Variants in CECR2 observed in about 807,000 individuals in gnomAD.
CECR2 encodes the protein chromatin remodeling regulator CECR2.
A neutral mutation model predicts 154.5 loss-of-function variants in CECR2; 30 were observed. That is an observed-to-expected ratio of 0.19 (90% CI 0.15 to 0.26). CECR2 has a LOEUF of 0.26. Ranked by LOEUF, CECR2 falls within the 10% of genes least tolerant of loss-of-function variation. The pLI, the probability that CECR2 is intolerant of heterozygous loss-of-function variation, is 1.00. For missense variants in CECR2, 1,743 were observed against 1,829.3 expected (o/e 0.95, Z 0.86); for synonymous variants, 725 against 683.7 (o/e 1.06, Z -0.94).
intron 3 of CECR2, among the ~76,000 whole-genome samples, 196 bp from the exon 4 acceptor site, chr22:17,499,214 C>T (rs1294600763): frequency 6.6e-6 from 1 of 152,142 alleles, no homozygotes; most frequent in Non-Finnish European, 1.5e-5. Flanking sequence ...TGGTCTTGAA[C>T]TCCTGACCCC....
At chr22:17,399,025 C>G (rs114765945) in intron 1 of CECR2, among the ~76,000 whole-genome samples, 1 of 152,148 alleles carries the variant, frequency 6.6e-6, no homozygotes, top group Non-Finnish European at 1.5e-5. Flanking sequence ...TCAGGCCTTA[C>G]CCTGGATCTG....
At chr22:17,546,517 GT>G (rs1471912410) in intron 16 of CECR2, among the ~76,000 whole-genome samples, 1 of 149,418 alleles carries the variant, frequency 6.7e-6, no homozygotes, top group African/African-American at 2.5e-5. Flanking sequence ...ATCCTGTTTA[GT>G]TAAGTCTAGT....
intron 1 of CECR2, among the ~76,000 whole-genome samples, chr22:17,416,317 A>AAT (rs898240827): frequency 3.9e-4 from 60 of 152,100 alleles, no homozygotes; most frequent in African/African-American, 1.2e-3. Flanking sequence ...AAGAAGATGG[A>AAT]ATATATATAT....
chr22:17,457,646 A>G (rs117754686), intron 1 of CECR2, among the ~76,000 whole-genome samples: 123 of 152,308 alleles, frequency 8.1e-4, no homozygotes, highest in Non-Finnish European at 1.6e-3. Context: ...CATTTACCAT[A>G]TGACCCAGCG....
At position 17,546,214 on chromosome 22, in the gene CECR2, G is replaced by A. The variant is rs941466291; in HGVS notation, c.2861-1934G>A. Among the ~76,000 whole-genome samples the A allele has an allele frequency of 2.0e-5, 3 of 152,030 alleles. No individual in the cohort carries two copies. The East Asian group carries it at 5.8e-4, about 29-fold the overall frequency. On this transcript the variant is annotated intron_variant, in intron 16 of 18. Coordinates refer to ENST00000262608, the MANE Select transcript of CECR2 (RefSeq NM_001290047.2). ...TTACAAGAATCCTGTTTAGGCCGGC[G>A]CGATGGCTCACGCCTGTAATCCCAG... is the stretch of plus-strand genomic sequence containing the variant.
chr22:17,405,290 T>C (rs2053964058), intron 1 of CECR2, among the ~76,000 whole-genome samples: 1 of 151,876 alleles, frequency 6.6e-6, no homozygotes, highest in Admixed American at 6.6e-5. Context: ...TGGACGCCTG[T>C]AATCCCAGCT....
At chr22:17,414,586 T>C (rs1014483637) in intron 1 of CECR2, among the ~76,000 whole-genome samples, 1 of 151,886 alleles carries the variant, frequency 6.6e-6, no homozygotes, top group Non-Finnish European at 1.5e-5. Flanking sequence ...TACATATGTA[T>C]ACGTGTGCCA....
intron 1 of CECR2, among the ~76,000 whole-genome samples, chr22:17,473,007 A>AC (rs1443864391): frequency 6.6e-6 from 1 of 152,074 alleles, no homozygotes; most frequent in Non-Finnish European, 1.5e-5. Flanking sequence ...CCCCTTGCTC[A>AC]CTTCTGAGTT....
chr22:17,440,951 G>A (rs570414881), intron 1 of CECR2, among the ~76,000 whole-genome samples: 3 of 151,578 alleles, frequency 2.0e-5, no homozygotes, highest in African/African-American at 4.9e-5. Flanking sequence ...CTGTTTTTGG[G>A]GGGGAGGGGC....
intron 1 of CECR2, among the ~76,000 whole-genome samples, chr22:17,468,689 A>G (rs781147892): frequency 2.0e-5 from 3 of 151,646 alleles, no homozygotes; most frequent in Admixed American, 6.6e-5. Flanking sequence ...AAAACCAGCA[A>G]CCCCCCGCCC....
chr22:17,525,606 A>G (rs866506843), intron 9 of CECR2, among the ~76,000 whole-genome samples: 18 of 152,208 alleles, frequency 1.2e-4, no homozygotes, highest in African/African-American at 3.1e-4. Context: ...ACTCTGTCTC[A>G]ATAAAAAAAA....
At chr22:17,551,859 G>A (rs113837) in intron 17 of CECR2, among the ~76,000 whole-genome samples, 172 bp from the exon 18 acceptor site, 29,513 of 152,036 alleles carry the variant, frequency 0.19, 3,191 homozygotes, top group East Asian at 0.44. Context: ...GTGCGTGTGC[G>A]TGCCACTTAC....
At chr22:17,404,413 G>C (rs557444979) in intron 1 of CECR2, among the ~76,000 whole-genome samples, 974 of 69,864 alleles carry the variant, frequency 0.014, 43 homozygotes, top group African/African-American at 0.058. Flanking sequence ...TCGCTCTGTC[G>C]CCCAGGCTGG....
chr22:17,544,586 A>G (rs1325729545), intron 16 of CECR2, among the ~76,000 whole-genome samples: 1 of 151,332 alleles, frequency 6.6e-6, no homozygotes, highest in African/African-American at 2.4e-5. Flanking sequence ...CAAGGCAGGC[A>G]GATCACCTGA....
intron 1 of CECR2, among the ~76,000 whole-genome samples, chr22:17,395,727 GA>G (rs1307961377): frequency 2.6e-5 from 4 of 152,064 alleles, no homozygotes; most frequent in South Asian, 2.1e-4. Flanking sequence ...TATTTCTACA[GA>G]AAAAAAATTT....
chr22:17,382,187 GC>G (rs1569044810), intron 1 of CECR2, among the ~76,000 whole-genome samples: 2 of 152,106 alleles, frequency 1.3e-5, no homozygotes, highest in East Asian at 3.9e-4. Context: ...ACTGTGCCCG[GC>G]CAGAGAGCCC....
At chr22:17,523,781 A>G (rs985302805) in intron 8 of CECR2, among the ~76,000 whole-genome samples, 11 of 151,620 alleles carry the variant, frequency 7.3e-5, no homozygotes, top group Admixed American at 3.9e-4. Context: ...AAAAAGAAAA[A>G]AAAGCTTCCC....
chr22:17,360,771 G>A (rs1488831102), intron 1 of CECR2, among the ~76,000 whole-genome samples: 3 of 151,052 alleles, frequency 2.0e-5, no homozygotes, highest in African/African-American at 7.3e-5. Flanking sequence ...CTTGAACCCA[G>A]GAGGTGGAGG....
Position 17,381,403 on chromosome 22 carries a change from C to T in CECR2, c.126+11494C>T, listed in dbSNP as rs116443885. ...TAACACGGAACACTTCACGACTCTG[C>T]GTGTCATCTTGCATAGGCCAGTTTT... is the stretch of plus-strand genomic sequence containing the variant. On this transcript the variant is annotated intron_variant, in intron 1 of 18. Transcript: ENST00000262608. Among the ~76,000 whole-genome samples the T allele has an allele frequency of 5.2e-3, 789 of 152,192 alleles. 9 individuals are homozygous for T. Among genetic ancestry groups the T allele is most frequent in the African/African-American group, 0.017 (707 of 41,504 alleles).
Sources: gnomAD v4.1 joint callset for allele counts (sites outside exome capture counted in the v4.1 genomes callset) on GRCh38, gnomAD v4.1.1 for gene constraint, MANE v1.5 for transcripts, NCBI Gene and HGNC (gene_info 2026-07-23, HGNC 2026-07-21) for gene names.